ZDHHC15: variants seen among roughly 807,000 people sequenced by gnomAD.
ZDHHC15 encodes the protein zDHHC palmitoyltransferase 15.
ZDHHC15 carries 19 observed loss-of-function variants against 31.7 expected under a neutral mutation model. The observed-to-expected ratio is 0.60, with a 90% CI of 0.42 to 0.88. ZDHHC15 has a LOEUF of 0.88. Among genes scored for constraint, ZDHHC15 ranks in the 40% least tolerant of loss-of-function variants. The probability of loss-of-function intolerance (pLI) is 0.00; values close to 1 mark genes in which losing one functional copy is unlikely to be tolerated. For synonymous variants in ZDHHC15, 103 were observed against 90.0 expected, an observed-to-expected ratio of 1.14 and a Z score of -0.82; for missense variants, 209 against 251.2, an observed-to-expected ratio of 0.83 and a Z score of 1.14.
chrX:75,430,972 G>A (rs756202730), intron 5 of ZDHHC15, among the ~76,000 whole-genome samples: 17 of 111,580 alleles, frequency 1.5e-4, no homozygotes, highest in Admixed American at 7.6e-4. Context: ...CCACAGCTAA[G>A]AGAAGCTAAG....
At chrX:75,406,156 T>C (rs1001248727) in intron 10 of ZDHHC15, among the ~76,000 whole-genome samples, 2 of 110,584 alleles carry the variant, frequency 1.8e-5, no homozygotes, top group African/African-American at 6.6e-5. Context: ...TTGAAACAAA[T>C]GGAAATGGTA....
intron 4 of ZDHHC15, among the ~76,000 whole-genome samples, chrX:75,441,023 T>G (rs1411550950): frequency 8.9e-6 from 1 of 111,744 alleles, no homozygotes; most frequent in African/African-American, 3.3e-5. Flanking sequence ...ACTCTCCCCG[T>G]ACCCACCAAC....
chrX:75,461,059 C>G (rs1421028473), intron 3 of ZDHHC15, among the ~76,000 whole-genome samples: 2 of 111,460 alleles, frequency 1.8e-5, no homozygotes, highest in African/African-American at 6.5e-5. Context: ...AATACAGGAG[C>G]TGATAGCCAG....
intron 10 of ZDHHC15, among the ~76,000 whole-genome samples, chrX:75,412,755 C>T (rs967192022): frequency 4.5e-5 from 5 of 111,521 alleles, no homozygotes; most frequent in African/African-American, 1.6e-4. Flanking sequence ...AAAAAGAAGG[C>T]CATTCTTCCA....
Position 75,373,926 on chromosome X carries a change from G to GTTTTTTTTTTTTTTTTTTTTTTTTTT in ZDHHC15, c.*33-982_*33-981insAAAAAAAAAAAAAAAAAAAAAAAAAA, listed in dbSNP as rs35704680. Among the ~76,000 whole-genome samples, 67 of 50,457 alleles carry GTTTTTTTTTTTTTTTTTTTTTTTTTT rather than the reference G, an allele frequency of 1.3e-3. 7 individuals are homozygous for GTTTTTTTTTTTTTTTTTTTTTTTTTT. The highest frequency in any genetic ancestry group is 1.9e-3 in the South Asian group (1 of 528). The allele number at this position is 50,457 out of a possible 115,157, so 43.8% of individuals were successfully genotyped here. On this transcript the variant is annotated intron_variant, in intron 11 of 11. Coordinates refer to ENST00000373367, the MANE Select transcript of ZDHHC15 (RefSeq NM_144969.3). ...ATACTAGGTCTTATTCATTCTTTCT[G>GTTTTTTTTTTTTTTTTTTTTTTTTTT]TTTTTTTTTTTTTTTTTTTTTTGTA...
intron 11 of ZDHHC15, among the ~76,000 whole-genome samples, chrX:75,373,531 A>T (rs1226784545): frequency 9.0e-6 from 1 of 111,590 alleles, no homozygotes; most frequent in African/African-American, 3.3e-5. Context: ...ACCCTTTAAA[A>T]AATTCATACC....
At chrX:75,498,082 C>A (rs1364575797) in intron 2 of ZDHHC15, among the ~76,000 whole-genome samples, 2 of 110,181 alleles carry the variant, frequency 1.8e-5, no homozygotes, top group Non-Finnish European at 3.8e-5. Flanking sequence ...TACAGGCATG[C>A]ACCACCACGC....
chrX:75,457,839 T>A (rs1390871168), intron 3 of ZDHHC15, among the ~76,000 whole-genome samples: 1 of 111,755 alleles, frequency 8.9e-6, no homozygotes, highest in African/African-American at 3.2e-5. Flanking sequence ...TTATAGTGTA[T>A]TAGTATTGTA....
chrX:75,505,443 A>G (rs2085143851), intron 2 of ZDHHC15, among the ~76,000 whole-genome samples: 1 of 110,886 alleles, frequency 9.0e-6, no homozygotes, highest in African/African-American at 3.3e-5. Context: ...TGAAGGAGTT[A>G]GCCTTTAAAG....
intron 9 of ZDHHC15, among the ~76,000 whole-genome samples, chrX:75,421,409 A>C (rs1292457558): frequency 1.1e-4 from 1 of 9,148 alleles, no homozygotes; most frequent in African/African-American, 1.6e-4. Context: ...TTATATATAT[A>C]TAATATATAT....
At chrX:75,458,991 C>CAAAAAAAA (rs775652299) in intron 3 of ZDHHC15, among the ~76,000 whole-genome samples, 1 of 15,670 alleles carries the variant, frequency 6.4e-5, no homozygotes, top group Non-Finnish European at 1.8e-4. Context: ...GGCACAGAGA[C>CAAAAAAAA]AAAAAAAAAA....
chrX:75,440,627 C>A (rs912129409), intron 4 of ZDHHC15, among the ~76,000 whole-genome samples: 1 of 112,297 alleles, frequency 8.9e-6, no homozygotes, highest in Non-Finnish European at 1.9e-5. Context: ...TGGCCTCCAG[C>A]CAGGAGGTGG....
intron 9 of ZDHHC15, among the ~76,000 whole-genome samples, chrX:75,420,627 CA>C (rs968086892): frequency 2.7e-5 from 3 of 110,880 alleles, no homozygotes; most frequent in African/African-American, 6.6e-5. Flanking sequence ...ATGCAACCAT[CA>C]AAAAAATGAG....
intron 3 of ZDHHC15, among the ~76,000 whole-genome samples, chrX:75,463,678 G>A (rs997775390): frequency 2.7e-5 from 3 of 111,625 alleles, no homozygotes; most frequent in Non-Finnish European, 5.6e-5. Context: ...GCAGCCAACA[G>A]ACACATGAAA....
intron 2 of ZDHHC15, among the ~76,000 whole-genome samples, chrX:75,495,190 T>A (rs1201570928): frequency 8.9e-6 from 1 of 112,223 alleles, no homozygotes; most frequent in African/African-American, 3.2e-5. Context: ...ATGCTTATCA[T>A]CACTGGCATT....
intron 3 of ZDHHC15, among the ~76,000 whole-genome samples, chrX:75,473,483 C>A (rs1399356773): frequency 9.0e-6 from 1 of 110,671 alleles, no homozygotes; most frequent in Non-Finnish European, 1.9e-5. Flanking sequence ...AGGAACATTG[C>A]CACCAGGAGA....
At chrX:75,482,176 C>T (rs2084699232) in intron 2 of ZDHHC15, among the ~76,000 whole-genome samples, 1 of 111,120 alleles carries the variant, frequency 9.0e-6, no homozygotes, top group African/African-American at 3.3e-5. Flanking sequence ...GGGTACTATG[C>T]TTACTATTTG....
chrX:75,388,429 G>A (rs1034289264), intron 10 of ZDHHC15, among the ~76,000 whole-genome samples: 2 of 111,807 alleles, frequency 1.8e-5, no homozygotes, highest in Non-Finnish European at 3.8e-5. Flanking sequence ...AAATCAAAAC[G>A]TAGAGGGGAT....
rs1277032419 is a variant in ZDHHC15 at position 75,370,351 on chromosome X, T to C, written c.*2627A>G. On this transcript the variant is annotated 3_prime_UTR_variant, in exon 12 of 12. Coordinates refer to ENST00000373367, the MANE Select transcript of ZDHHC15 (RefSeq NM_144969.3). ...GTGCTAATTATTAAATAAAGTTCTGTATTCTTGATTAATAATCAACCAGTT... is the reference window on the plus strand; with the variant it reads ...GTGCTAATTATTAAATAAAGTTCTGCATTCTTGATTAATAATCAACCAGTT... 9.0e-6 allele frequency: 1 copy of C among 111,090 alleles called. No homozygotes were observed. Among genetic ancestry groups the C allele is most frequent in the Non-Finnish European group, 1.9e-5 (1 of 53,050 alleles). 9.2% of individuals were successfully genotyped at this position (111,090 alleles called of 1,213,427 possible).
Sources: allele counts gnomAD v4.1 joint callset (sites outside exome capture counted in the v4.1 genomes callset), GRCh38; gene constraint gnomAD v4.1.1; transcripts MANE v1.5; gene names NCBI Gene and HGNC (gene_info 2026-07-23, HGNC 2026-07-21).